TNN: variants seen among roughly 807,000 people sequenced by gnomAD.
TNN encodes the protein tenascin N.
A neutral mutation model predicts 134.4 loss-of-function variants in TNN; 122 were observed. The observed-to-expected ratio is 0.91, with a 90% CI of 0.78 to 1.06. The LOEUF is 1.06. Ranked by LOEUF, TNN falls within the 50% of genes least tolerant of loss-of-function variation. TNN has a pLI of 0.00. For missense variants in TNN, 1,739 were observed against 1,699.4 expected (o/e 1.02, Z -0.41); for synonymous variants, 710 against 670.3 (o/e 1.06, Z -0.91).
At position 175,128,071 on chromosome 1, in the gene TNN, C is replaced by T. The variant is rs781564259; in HGVS notation, c.3085C>T (p.Gln1029Ter). 4.3e-6 allele frequency: 7 copies of T among 1,614,144 alleles called. No individual in the cohort carries two copies. The highest frequency in any genetic ancestry group is 5.9e-6 in the Non-Finnish European group (7 of 1,180,012). The change falls in exon 14 of 19, where the codon CAA (glutamine) becomes TAA (stop). Residue 1029 changes from glutamine (Q) to a stop codon, truncating the protein, a stop_gained. Transcript: ENST00000239462. LOFTEE classifies it high-confidence loss of function. ...LGREDQRFALQGLEQGATYPV... is the reference protein window; with the variant it reads ...LGREDQRFAL ...ACGGGAAGACCAGAGGTTTGCGTTG[C>T]AAGGCCTTGAGCAAGGCGCCACCTA...
chr1:175,126,978 C>T lies in TNN; in HGVS notation c.2938C>T (p.Arg980Cys), dbSNP rs767983713. The change falls in exon 13 of 19, where the codon CGT (arginine) becomes TGT (cysteine). Residue 980 changes from arginine (R) to cysteine (C), a missense_variant. Physicochemically the swap from Arg to Cys is radical, Grantham distance 180. Transcript: ENST00000239462. ...AGAACTCGACCCTCCCAGAAACCTT[C>T]GTCCATCTGCTGTAACGCAGTCTGG... ...QTELDPPRNL[R>C]PSAVTQSGGI... is the part of the protein sequence containing the mutation. 17 of 1,613,756 alleles carry T rather than the reference C, an allele frequency of 1.1e-5. No individual in the cohort carries two copies. Among genetic ancestry groups the T allele is most frequent in the Non-Finnish European group, 1.4e-5 (16 of 1,179,864 alleles).
At chr1:175,113,492 C>G (rs997199257) in intron 9 of TNN, among the ~76,000 whole-genome samples, 2 of 152,146 alleles carry the variant, frequency 1.3e-5, no homozygotes, top group South Asian at 4.1e-4. Flanking sequence ...AGAATTTTCT[C>G]TTTGTCTTTG....
rs559314733 is a variant in TNN, at chr1:175,087,940, G to T, written c.1324+2446G>T. ...ACGTTTACCTATTTAGTATAATAAA[G>T]AATATTACAAAGATCCAGGTGAAGA... On this transcript the variant is annotated intron_variant, in intron 6 of 18. Transcript: ENST00000239462. Among the ~76,000 whole-genome samples the T allele has an allele frequency of 3.9e-5, 6 of 152,314 alleles. No individual in the cohort carries two copies. The South Asian group carries it at 1.2e-3, about 32-fold the overall frequency.
intron 1 of TNN, among the ~76,000 whole-genome samples, chr1:175,075,379 C>G (rs767937492): frequency 6.6e-6 from 1 of 152,130 alleles, no homozygotes; most frequent in South Asian, 2.1e-4. Context: ...CTCACTGCAG[C>G]CTCCGCCTCC....
intron 4 of TNN, 146 bp from the exon 5 acceptor site, chr1:175,083,604 C>T (rs762932707): frequency 3.7e-5 from 25 of 671,390 alleles, no homozygotes; most frequent in Non-Finnish European, 5.9e-5. Flanking sequence ...AGCTCAAAGA[C>T]ACCTGCTAAG....
At chr1:175,097,740 G>C in intron 8 of TNN, 57 bp downstream of exon 8, 2 of 1,605,490 alleles carry the variant, frequency 1.2e-6, no homozygotes, top group Admixed American at 3.4e-5. Flanking sequence ...ATTTGAATAG[G>C]TATGGTATCA....
chr1:175,108,408 G>T (rs956957274), intron 9 of TNN, among the ~76,000 whole-genome samples: 1 of 152,248 alleles, frequency 6.6e-6, no homozygotes, highest in Non-Finnish European at 1.5e-5. Context: ...AGTGGATCCC[G>T]CACTGGGGCT....
intron 15 of TNN, 111 bp downstream of exon 15, chr1:175,128,857 A>C: frequency 2.5e-6 from 3 of 1,180,568 alleles, no homozygotes; most frequent in Non-Finnish European, 2.2e-6. Flanking sequence ...TTCTCCACCC[A>C]TGGAAGAGAG....
At position 175,128,603 on chromosome 1, in the gene TNN, C is replaced by G. The variant is rs567019332; in HGVS notation, c.3187C>G (p.Arg1063Gly). The G allele has an allele frequency of 4.1e-5, 66 of 1,609,882 alleles. No individual in the cohort carries two copies. The South Asian group carries it at 6.3e-4, about 15-fold the overall frequency. ...CTCTGCTTGGCTCCCAGTTGGTGCC[C>G]GTTTCCCACACCCTTCGGACTGCAG... ...VSTTLSTVGA[R>G]FPHPSDCSQV... is the part of the protein sequence containing the mutation. The change falls in exon 15 of 19, where the codon CGT (arginine) becomes GGT (glycine). Residue 1063 changes from arginine (R) to glycine (G), a missense_variant. Physicochemically the swap from Arg to Gly is moderately radical, Grantham distance 125. Coordinates refer to ENST00000239462, the MANE Select transcript of TNN (RefSeq NM_022093.2).
intron 18 of TNN, among the ~76,000 whole-genome samples, chr1:175,145,129 G>GC (rs1676031856): frequency 1.3e-5 from 2 of 152,006 alleles, no homozygotes. Flanking sequence ...CCTTCCAGAG[G>GC]CCCCCTCTAC....
chr1:175,104,960 C>T (rs1022102393), intron 9 of TNN, among the ~76,000 whole-genome samples: 4 of 145,554 alleles, frequency 2.7e-5, no homozygotes, highest in Non-Finnish European at 3.0e-5. Flanking sequence ...CAGATGTTTA[C>T]GACTCCAGTC....
chr1:175,129,503 G>A (rs1321229223), intron 15 of TNN, among the ~76,000 whole-genome samples: 2 of 151,236 alleles, frequency 1.3e-5, no homozygotes, highest in Non-Finnish European at 2.9e-5. Context: ...GACTAAGGCT[G>A]ATGACTATGA....
At chr1:175,127,840 C>T (rs889836865) in intron 13 of TNN, among the ~76,000 whole-genome samples, 192 bp from the exon 14 acceptor site, 1 of 152,222 alleles carries the variant, frequency 6.6e-6, no homozygotes, top group Admixed American at 6.5e-5. Flanking sequence ...GCTGACTCTC[C>T]ATGGCATGGC....
intron 6 of TNN, among the ~76,000 whole-genome samples, chr1:175,092,315 A>T (rs933751008): frequency 6.6e-6 from 1 of 152,142 alleles, no homozygotes; most frequent in Non-Finnish European, 1.5e-5. Context: ...GAGCCTCCAG[A>T]GGCCCTGGCC....
chr1:175,108,233 G>A (rs58664263), intron 9 of TNN, among the ~76,000 whole-genome samples: 6,471 of 150,962 alleles, frequency 0.043, 358 homozygotes, highest in African/African-American at 0.15. Context: ...TAGACATAAA[G>A]GTTCTCCAAG....
chr1:175,119,752 A>G (rs773853958), intron 11 of TNN, among the ~76,000 whole-genome samples: 2 of 148,888 alleles, frequency 1.3e-5, no homozygotes, highest in Non-Finnish European at 3.0e-5. Context: ...CTCCTGCCTC[A>G]GCCTCCCAAG....
chr1:175,087,577 C>T (rs554827927), intron 6 of TNN, among the ~76,000 whole-genome samples: 21 of 152,170 alleles, frequency 1.4e-4, no homozygotes, highest in Non-Finnish European at 2.5e-4. Flanking sequence ...AAGAGATAAA[C>T]ACTTTTTCTT....
At chr1:175,102,023 C>A (rs887985386) in intron 9 of TNN, among the ~76,000 whole-genome samples, 4 of 145,450 alleles carry the variant, frequency 2.8e-5, no homozygotes, top group Non-Finnish European at 6.1e-5. Flanking sequence ...AAACCTTGAG[C>A]TAAACACAGG....
intron 7 of TNN, among the ~76,000 whole-genome samples, chr1:175,096,658 T>C (rs1674579226): frequency 6.6e-6 from 1 of 152,252 alleles, no homozygotes; most frequent in Non-Finnish European, 1.5e-5. Flanking sequence ...AAGTGGTATT[T>C]CATGCCTCAA....
Sources: allele counts gnomAD v4.1 joint callset (sites outside exome capture counted in the v4.1 genomes callset), GRCh38; gene constraint gnomAD v4.1.1; transcripts MANE v1.5; gene names NCBI Gene and HGNC (gene_info 2026-07-23, HGNC 2026-07-21).